Variants in TENM2 observed in about 807,000 individuals in gnomAD.
TENM2 encodes the protein teneurin-2.
In TENM2, 52 loss-of-function variants were observed where a neutral mutation model predicts 245.2. The observed-to-expected ratio is 0.21, with a 90% CI of 0.17 to 0.27. The LOEUF is 0.27. Ranked by LOEUF, TENM2 falls within the 10% of genes least tolerant of loss-of-function variation. TENM2 has a pLI of 1.00. For missense variants in TENM2, 3,046 were observed against 3,666.8 expected (o/e 0.83, Z 4.37); for synonymous variants, 1,363 against 1,438.9 (o/e 0.95, Z 1.19).
chr5:167,318,577 ATTAACT>A (rs1364572630), intron 1 of TENM2, among the ~76,000 whole-genome samples: 1 of 152,184 alleles, frequency 6.6e-6, no homozygotes, highest in African/African-American at 2.4e-5. Context: ...CAAGGCTGTA[ATTAACT>A]TTAAGGCCTT....
chr5:167,174,112 T>C, the TENM2 span, among the ~76,000 whole-genome samples: 1 of 151,924 alleles, frequency 6.6e-6, no homozygotes, highest in Admixed American at 6.6e-5. Flanking sequence ...TTTTCTCGTT[T>C]TTTTTTTTTT....
At chr5:167,489,013 A>T (rs1768262599) in intron 2 of TENM2, among the ~76,000 whole-genome samples, 1 of 152,046 alleles carries the variant, frequency 6.6e-6, no homozygotes, top group East Asian at 1.9e-4. Context: ...TATTTCAGTA[A>T]CCTAACTACC....
chr5:167,744,885 G>A (rs139238853), intron 2 of TENM2, among the ~76,000 whole-genome samples: 1 of 152,266 alleles, frequency 6.6e-6, no homozygotes, highest in Non-Finnish European at 1.5e-5. Context: ...TAGGACCTAG[G>A]ACCTATAGAT....
At chr5:168,051,302 G>A (rs1789065830) in intron 6 of TENM2, among the ~76,000 whole-genome samples, 1 of 152,102 alleles carries the variant, frequency 6.6e-6, no homozygotes, top group Non-Finnish European at 1.5e-5. Flanking sequence ...AATCTGGCCA[G>A]CTGCCTGTTT....
At chr5:167,852,975 T>C (rs940145325) in intron 2 of TENM2, among the ~76,000 whole-genome samples, 3 of 152,026 alleles carry the variant, frequency 2.0e-5, no homozygotes. Flanking sequence ...TGGGACACAA[T>C]TTTTTGTTCT....
chr5:167,253,818 G>GAGT, the TENM2 span, among the ~76,000 whole-genome samples: 78 of 152,108 alleles, frequency 5.1e-4, no homozygotes, highest in African/African-American at 1.8e-3. Context: ...CAATGCCCCA[G>GAGT]AGTAGTAACA....
intron 2 of TENM2, among the ~76,000 whole-genome samples, chr5:167,710,353 A>T (rs1758829331): frequency 6.6e-6 from 1 of 152,154 alleles, no homozygotes; most frequent in African/African-American, 2.4e-5. Flanking sequence ...TGGGGGAAAA[A>T]AACAACAACA....
rs138767919 is a variant in TENM2 at position 168,235,041 on chromosome 5, C to T, written c.5520+6911C>T. Among the ~76,000 whole-genome samples the T allele has an allele frequency of 5.9e-4, 90 of 152,174 alleles. No homozygotes were observed. In the Middle Eastern group the frequency reaches 0.014, roughly 23 times the overall value. On this transcript the variant is annotated intron_variant, in intron 25 of 28. Coordinates refer to ENST00000518659, the Ensembl canonical transcript of TENM2. ...CAGAGGAGGGAGGTGGGGGGATGGG[C>T]GTGCCTATGTGCATGTGAACACACA...
the TENM2 span, among the ~76,000 whole-genome samples, chr5:167,194,271 C>T: frequency 6.6e-6 from 1 of 151,998 alleles, no homozygotes; most frequent in African/African-American, 2.4e-5. Flanking sequence ...GACTCATTTG[C>T]TTCACAACCC....
chr5:167,798,922 C>T (rs1765507029), intron 2 of TENM2, among the ~76,000 whole-genome samples: 1 of 152,196 alleles, frequency 6.6e-6, no homozygotes, highest in Non-Finnish European at 1.5e-5. Context: ...AATAAAAGAA[C>T]AGTTCTCTCT....
At chr5:167,127,467 A>C in the TENM2 span, among the ~76,000 whole-genome samples, 1 of 152,150 alleles carries the variant, frequency 6.6e-6, no homozygotes, top group African/African-American at 2.4e-5. Context: ...GAGTGACTTG[A>C]TGCATTCATT....
At chr5:167,420,845 T>C (rs556856804) in intron 2 of TENM2, among the ~76,000 whole-genome samples, 2 of 152,220 alleles carry the variant, frequency 1.3e-5, no homozygotes, top group Non-Finnish European at 2.9e-5. Context: ...TTGTTTTGCT[T>C]ACTAATATAC....
chr5:167,992,022 G>A (rs1783704219), intron 4 of TENM2, among the ~76,000 whole-genome samples: 2 of 152,076 alleles, frequency 1.3e-5, no homozygotes, highest in African/African-American at 4.8e-5. Flanking sequence ...ACTCAGGAAC[G>A]GAAAACCAAA....
At chr5:167,751,085 G>C (rs1561737900) in intron 2 of TENM2, among the ~76,000 whole-genome samples, 5 of 152,162 alleles carry the variant, frequency 3.3e-5, no homozygotes, top group Admixed American at 1.3e-4. Flanking sequence ...TGTATTCCAG[G>C]AGTTGAAAGG....
chr5:166,999,749 T>G, the TENM2 span, among the ~76,000 whole-genome samples: 1 of 152,088 alleles, frequency 6.6e-6, no homozygotes, highest in Non-Finnish European at 1.5e-5. Context: ...AGTCCGATTT[T>G]GATTTTGAGA....
intron 2 of TENM2, among the ~76,000 whole-genome samples, chr5:167,461,950 T>C (rs1307016419): frequency 1.3e-5 from 2 of 152,134 alleles, no homozygotes; most frequent in East Asian, 1.9e-4. Context: ...GGATTAATGG[T>C]TTGTGAGAAA....
intron 2 of TENM2, among the ~76,000 whole-genome samples, chr5:167,444,322 A>ACACACACAC (rs1270422792): frequency 3.8e-5 from 4 of 104,816 alleles, no homozygotes; most frequent in African/African-American, 9.4e-5. Flanking sequence ...CACACACACA[A>ACACACACAC]TCCTTAATTC....
chr5:168,239,684 A>G (rs1011266547), intron 25 of TENM2, among the ~76,000 whole-genome samples: 12 of 152,146 alleles, frequency 7.9e-5, no homozygotes, highest in African/African-American at 2.9e-4. Context: ...CACTAATATC[A>G]TCCTTATTAT....
chr5:168,196,422 T>A (rs1761433087), intron 15 of TENM2, among the ~76,000 whole-genome samples: 1 of 152,244 alleles, frequency 6.6e-6, no homozygotes, highest in South Asian at 2.1e-4. Context: ...AAAATTACTC[T>A]GGCCCTTGTT....
Sources: gnomAD v4.1 joint callset for allele counts (sites outside exome capture counted in the v4.1 genomes callset) on GRCh38, gnomAD v4.1.1 for gene constraint, MANE v1.5 for transcripts, NCBI Gene and HGNC (gene_info 2026-07-23, HGNC 2026-07-21) for gene names.